The following PRKDC variants were observed in gnomAD, a reference collection of about 807,000 sequenced individuals.
PRKDC encodes the protein protein kinase, DNA-activated, catalytic subunit.
PRKDC carries 82 observed loss-of-function variants against 486.9 expected under a neutral mutation model. That is an observed-to-expected ratio of 0.17 (90% CI 0.14 to 0.20). The LOEUF (loss-of-function observed/expected upper bound fraction) is 0.20. Among genes scored for constraint, PRKDC ranks in the 10% least tolerant of loss-of-function variants. The pLI is 1.00. For missense variants in PRKDC, 4,504 were observed against 5,038.2 expected, an observed-to-expected ratio of 0.89 and a Z score of 3.21; for synonymous variants, 1,895 against 1,837.0, an observed-to-expected ratio of 1.03 and a Z score of -0.81.
chr8:47,840,320 T>G, intron 54 of PRKDC, 131 bp from the exon 55 acceptor site: 1 of 654,822 alleles, frequency 1.5e-6, no homozygotes, highest in South Asian at 2.4e-5. Context: ...TATATAAAAC[T>G]TATATTCTTA....
chr8:47,837,861 T>TG (rs1433901018), intron 56 of PRKDC, among the ~76,000 whole-genome samples: 1 of 152,092 alleles, frequency 6.6e-6, no homozygotes, highest in Non-Finnish European at 1.5e-5. Flanking sequence ...AGGGGTCAGG[T>TG]GCAGTGGCTC....
At position 47,783,728 on chromosome 8, in the gene PRKDC, A is replaced by C. The variant is rs764415768; in HGVS notation, c.11175+14T>G. 11 of 1,613,488 alleles carry C rather than the reference A, an allele frequency of 6.8e-6. No homozygotes were observed. The South Asian group carries it at 9.9e-5, about 14-fold the overall frequency. On this transcript the variant is annotated intron_variant, in intron 78 of 85. Coordinates refer to ENST00000314191, the MANE Select transcript of PRKDC (RefSeq NM_006904.7). ...CATCAGGACAGGGACTGGGTCACAC[A>C]CCCTCACACCTACCCGCTCATCAAA... is the stretch of plus-strand genomic sequence containing the variant.
At chr8:47,945,986 T>A (rs1229837800) in intron 7 of PRKDC, among the ~76,000 whole-genome samples, 3 of 151,348 alleles carry the variant, frequency 2.0e-5, no homozygotes, top group African/African-American at 7.3e-5. Flanking sequence ...CCTCCCAAAG[T>A]GCCGGGATTA....
chr8:47,845,118 G>T (rs1049824649), intron 54 of PRKDC, among the ~76,000 whole-genome samples: 2 of 152,136 alleles, frequency 1.3e-5, no homozygotes, highest in Non-Finnish European at 2.9e-5. Flanking sequence ...TCAGGAAAGA[G>T]GCTGAGGCAA....
intron 50 of PRKDC, among the ~76,000 whole-genome samples, chr8:47,854,458 C>CAAAAAA (rs1427920573): frequency 6.6e-6 from 1 of 152,154 alleles, no homozygotes; most frequent in African/African-American, 2.4e-5. Context: ...CCTGCCTCAG[C>CAAAAAA]CTCCCAAGCA....
intron 40 of PRKDC, among the ~76,000 whole-genome samples, chr8:47,867,319 C>T (rs2088841417): frequency 6.6e-6 from 1 of 152,050 alleles, no homozygotes; most frequent in Admixed American, 6.6e-5. Flanking sequence ...TGATTTTAGT[C>T]ATGTAAATAT....
chr8:47,903,116 T>A (rs1331984192), intron 26 of PRKDC, among the ~76,000 whole-genome samples: 1 of 152,146 alleles, frequency 6.6e-6, no homozygotes, highest in East Asian at 1.9e-4. Context: ...AATGGCTATA[T>A]CCTAAGAATT....
rs1320967049 is a variant in PRKDC, at chr8:47,834,332, A to G, written c.8016T>C (p.Ser2672=). ...SSTDPLVDHT[S]PSSDSLLFAH... ...CAAACAGCAAGGAGTCAGATGAGGG[A>G]CTGGTGTGGTCGACCAGCGGGTCAG... Residue 2672 remains serine (S), a synonymous_variant, in exon 59 of 86, where the codon AGT becomes AGC. Coordinates refer to ENST00000314191, the MANE Select transcript of PRKDC (RefSeq NM_006904.7). 2 of 1,613,966 alleles carry G rather than the reference A, an allele frequency of 1.2e-6. No homozygotes were observed. Among genetic ancestry groups the G allele is most frequent in the Admixed American group, 3.3e-5 (2 of 60,030 alleles).
intron 69 of PRKDC, 113 bp downstream of exon 69, chr8:47,807,024 T>C: frequency 9.1e-7 from 1 of 1,102,236 alleles, no homozygotes. Flanking sequence ...AGAAAAAAAA[T>C]AACACCTACC....
Position 47,929,159 on chromosome 8 carries a change from A to C in PRKDC, c.2072T>G (p.Leu691Arg), listed in dbSNP as rs1281123936. Reference sequence around the variant, plus strand: ...TTCTGGGTCTTCAGGAGAGTGTTTCAGACTCTTTGGACTAACTCCCTGTCA... The same window carrying C: ...TTCTGGGTCTTCAGGAGAGTGTTTCCGACTCTTTGGACTAACTCCCTGTCA... ...KYFEGVSPKSLKHSPEDPEKY... is the reference protein window; with the variant it reads ...KYFEGVSPKSRKHSPEDPEKY... The change falls in exon 19 of 86, where the codon CTG (leucine) becomes CGG (arginine). Residue 691 changes from leucine (L) to arginine (R), a missense_variant. Transcript: ENST00000314191. 6.3e-7 allele frequency: 1 copy of C among 1,576,316 alleles called. No individual in the cohort carries two copies. Among genetic ancestry groups the C allele is most frequent in the South Asian group, 1.2e-5 (1 of 85,852 alleles).
intron 68 of PRKDC, among the ~76,000 whole-genome samples, chr8:47,807,640 G>A (rs190791020): frequency 2.2e-4 from 34 of 151,398 alleles, no homozygotes; most frequent in Admixed American, 2.0e-4. Context: ...GGATGGTCTC[G>A]ATCTCCTGAT....
intron 80 of PRKDC, among the ~76,000 whole-genome samples, chr8:47,780,891 T>C (rs1014948745): frequency 2.0e-5 from 3 of 151,784 alleles, no homozygotes; most frequent in Non-Finnish European, 4.4e-5. Context: ...TGAGCCGAGA[T>C]CACGCCACTG....
chr8:47,815,145 CA>C (rs770232171), intron 68 of PRKDC, among the ~76,000 whole-genome samples: 3 of 151,168 alleles, frequency 2.0e-5, no homozygotes, highest in East Asian at 3.9e-4. Flanking sequence ...GACCCTGTCT[CA>C]AAAAAAAGAA....
In PRKDC at chr8:47,837,295, T is replaced by C. The variant is rs370153239; in HGVS notation, c.7678A>G (p.Asn2560Asp). 3.3e-5 allele frequency: 53 copies of C among 1,613,818 alleles called. No homozygotes were observed. Among genetic ancestry groups the C allele is most frequent in the African/African-American group, 1.1e-4 (8 of 74,938 alleles). Residue 2560 changes from asparagine to aspartate, a missense_variant, in exon 57 of 86, where the codon AAT becomes GAT. Transcript: ENST00000314191. Reference protein sequence around the residue: ...IEVHFLSLATNFLLEMTSMSP... With the variant: ...IEVHFLSLATDFLLEMTSMSP... ...ATGCTGGTCATTTCGAGCAGAAAAT[T>C]TGTTGCTAAACTTAAAAAGTGCACT...
At chr8:47,857,337 T>C in intron 48 of PRKDC, 38 bp from the exon 49 acceptor site, 1 of 1,576,792 alleles carries the variant, frequency 6.3e-7, no homozygotes, top group Non-Finnish European at 8.6e-7. Flanking sequence ...CAAAGAATGG[T>C]CTTAAATTGC....
intron 21 of PRKDC, among the ~76,000 whole-genome samples, chr8:47,920,285 G>A (rs755520873): frequency 1.5e-4 from 23 of 152,182 alleles, no homozygotes; most frequent in African/African-American, 5.1e-4. Flanking sequence ...CTCCATGACC[G>A]AGCTGGTGTC....
chr8:47,817,368 T>C, intron 68 of PRKDC, 82 bp downstream of exon 68: 1 of 1,036,340 alleles, frequency 9.6e-7, no homozygotes, highest in Non-Finnish European at 1.4e-6. Flanking sequence ...CCCACATTTC[T>C]CTAAACCATG....
intron 74 of PRKDC, among the ~76,000 whole-genome samples, chr8:47,792,721 C>T (rs942435679): frequency 5.3e-5 from 8 of 151,792 alleles, no homozygotes; most frequent in Non-Finnish European, 8.8e-5. Flanking sequence ...CCCATGTACC[C>T]CATAAACATA....
chr8:47,917,024 G>A (rs2154502952), intron 22 of PRKDC, among the ~76,000 whole-genome samples: 1 of 152,242 alleles, frequency 6.6e-6, no homozygotes, highest in South Asian at 2.1e-4. Context: ...GAGAGGCTGA[G>A]GTGGGCGGAT....
Sources: gnomAD v4.1 joint callset for allele counts (sites outside exome capture counted in the v4.1 genomes callset) on GRCh38, gnomAD v4.1.1 for gene constraint, MANE v1.5 for transcripts, NCBI Gene and HGNC (gene_info 2026-07-23, HGNC 2026-07-21) for gene names.